The following NPR3 variants were observed in gnomAD, a reference collection of about 807,000 sequenced individuals.
NPR3 encodes the protein atrial natriuretic peptide receptor 3.
Under a neutral mutation model 54.5 loss-of-function variants are expected in NPR3, and 34 were observed. The observed-to-expected ratio is 0.62, with a 90% CI of 0.47 to 0.83. The LOEUF is 0.83. Ranked by LOEUF, NPR3 falls within the 40% of genes least tolerant of loss-of-function variation. The pLI is 0.00. For missense variants in NPR3, 674 were observed against 720.8 expected (o/e 0.94, Z 0.74); for synonymous variants, 289 against 297.1 (o/e 0.97, Z 0.28).
At position 32,789,495 on chromosome 5, in the gene NPR3, A is replaced by G. The variant is rs1406832118; in HGVS notation, c.*3150A>G. ...GAATGGTTCTACAGACCCTACTATAATTCTTCACATTTCAGAACCCATGTT... is the reference window on the plus strand; with the variant it reads ...GAATGGTTCTACAGACCCTACTATAGTTCTTCACATTTCAGAACCCATGTT... On this transcript the variant is annotated 3_prime_UTR_variant, in exon 8 of 8. Transcript: ENST00000265074. 1 of 534,610 alleles carries G rather than the reference A, an allele frequency of 1.9e-6. No homozygotes were observed. Among genetic ancestry groups the G allele is most frequent in the Non-Finnish European group, 3.8e-6 (1 of 260,104 alleles). 33.1% of individuals were successfully genotyped at this position (534,610 alleles called of 1,614,324 possible).
chr5:32,781,066 G>A (rs1048091445), intron 5 of NPR3, among the ~76,000 whole-genome samples: 2 of 152,130 alleles, frequency 1.3e-5, no homozygotes, highest in Non-Finnish European at 2.9e-5. Context: ...GAGGGTCATC[G>A]GGTAAAATCA....
chr5:32,743,935 G>A (rs904282438), intron 3 of NPR3, among the ~76,000 whole-genome samples: 2 of 149,230 alleles, frequency 1.3e-5, no homozygotes, highest in Non-Finnish European at 3.0e-5. Flanking sequence ...TTAAAAAAAT[G>A]CATTTGTTCT....
chr5:32,769,918 G>C (rs891459454), intron 3 of NPR3, among the ~76,000 whole-genome samples: 1 of 152,244 alleles, frequency 6.6e-6, no homozygotes, highest in Non-Finnish European at 1.5e-5. Context: ...GACGTGGCTC[G>C]CTGCCACGGT....
In NPR3 at chr5:32,779,317, T is replaced by A. The variant is rs190915207; in HGVS notation, c.1196-1405T>A. Among the ~76,000 whole-genome samples the A allele has an allele frequency of 2.6e-5, 4 of 152,336 alleles. No individual in the cohort carries two copies. The East Asian group carries it at 7.7e-4, about 29-fold the overall frequency. ...CCAGTTGAAAAGGGAATAGCTTTAG[T>A]TAATTAAAATGGGGCTGATGTACGC... On this transcript the variant is annotated intron_variant, in intron 4 of 7. Transcript: ENST00000265074.
intron 2 of NPR3, among the ~76,000 whole-genome samples, chr5:32,731,402 A>G (rs1488954115): frequency 6.6e-6 from 1 of 152,220 alleles, no homozygotes; most frequent in African/African-American, 2.4e-5. Flanking sequence ...AAGGGTTAAG[A>G]GATGGTTAAG....
At chr5:32,716,436 A>G (rs754406333) in intron 1 of NPR3, 2 of 454,530 alleles carry the variant, frequency 4.4e-6, no homozygotes, top group South Asian at 1.6e-5. Flanking sequence ...CTTCTTGATC[A>G]TTCTACTGCC....
At chr5:32,783,376 T>C (rs1742438695) in intron 6 of NPR3, 1 of 190,888 alleles carries the variant, frequency 5.2e-6, no homozygotes, top group Non-Finnish European at 1.1e-5. Context: ...ATTTTTCAAG[T>C]TTGTGGTTAC....
rs1394756615 is a variant in NPR3 at position 32,780,808 on chromosome 5, A to T, written c.1282A>T (p.Thr428Ser). The change falls in exon 5 of 8, where the codon ACC becomes TCC. Residue 428 changes from threonine to serine, a missense_variant. Coordinates refer to ENST00000265074, the MANE Select transcript of NPR3 (RefSeq NM_001204375.2). The part of the protein sequence containing the change: ...VIAMTDVEAG[T>S]QEVIGDYFGK... The stretch of plus-strand genomic sequence containing the variant: ...TGCCATGACTGATGTGGAGGCGGGC[A>T]CCCAGGAGGTGAGCACGTGAGACCT... 1.1e-5 allele frequency: 17 copies of T among 1,536,570 alleles called. No individual in the cohort carries two copies. The highest frequency in any genetic ancestry group is 1.5e-5 in the Non-Finnish European group (17 of 1,109,666).
chr5:32,782,955 T>C lies in NPR3; in HGVS notation c.1353T>C (p.Pro451=). Residue 451 remains proline (P), a synonymous_variant, in exon 6 of 8, where the codon CCT becomes CCC. Transcript: ENST00000265074. The part of the protein sequence containing the change: ...RFEMRPNVKY[P]WGPLKLRIDE... ...AAATGCGGCCGAATGTCAAATATCC[T>C]TGGGGCCCTTTAAAACTGAGAATAG... 1 of 1,610,672 alleles carries C rather than the reference T, an allele frequency of 6.2e-7. No individual in the cohort carries two copies. The highest frequency in any genetic ancestry group is 8.5e-7 in the Non-Finnish European group (1 of 1,178,054).
At chr5:32,707,520 A>G (rs899933346), upstream of NPR3, among the ~76,000 whole-genome samples, 2 of 152,174 alleles carry the variant, frequency 1.3e-5, no homozygotes, top group African/African-American at 2.4e-5. Flanking sequence ...AAATCTCAAC[A>G]CTGATTACAT....
chr5:32,701,125 A>T (rs145049361), intron 1 of NPR3, among the ~76,000 whole-genome samples: 1,610 of 152,134 alleles, frequency 0.011, 22 homozygotes, highest in African/African-American at 0.037. Flanking sequence ...TGTATTTTTG[A>T]TTTGCATTTC....
Position 32,714,079 on chromosome 5 carries a change from C to G in NPR3, c.769+1534C>G, listed in dbSNP as rs3792764. ...CAGCCTCCACGGGGGTGTCTGCGCCCCGGGCTGCTAAGGCTCCCGGAACCT... is the reference window on the plus strand; with the variant it reads ...CAGCCTCCACGGGGGTGTCTGCGCCGCGGGCTGCTAAGGCTCCCGGAACCT... On this transcript the variant is annotated intron_variant, in intron 1 of 7. Transcript: ENST00000265074. Among the ~76,000 whole-genome samples the G allele has an allele frequency of 6.2e-4, 94 of 152,362 alleles. No individual in the cohort carries two copies. The East Asian group carries it at 0.018, about 28-fold the overall frequency.
At chr5:32,757,585 C>A (rs184404667) in intron 3 of NPR3, among the ~76,000 whole-genome samples, 2 of 151,998 alleles carry the variant, frequency 1.3e-5, no homozygotes, top group Non-Finnish European at 2.9e-5. Flanking sequence ...AATTGAATAC[C>A]CTTTATTTCT....
At chr5:32,727,032 T>C (rs1342381061) in intron 2 of NPR3, among the ~76,000 whole-genome samples, 1 of 152,244 alleles carries the variant, frequency 6.6e-6, no homozygotes, top group African/African-American at 2.4e-5. Flanking sequence ...CATACGCACA[T>C]ACACTTTCTC....
chr5:32,703,951 G>A (rs1159676788), intron 1 of NPR3, among the ~76,000 whole-genome samples: 1 of 152,228 alleles, frequency 6.6e-6, no homozygotes, highest in Non-Finnish European at 1.5e-5. Context: ...AGTCCCTGTG[G>A]CCTAGACTGT....
intron 3 of NPR3, among the ~76,000 whole-genome samples, chr5:32,742,805 C>T (rs916216552): frequency 7.2e-5 from 11 of 152,036 alleles, no homozygotes; most frequent in Middle Eastern, 3.4e-3. Flanking sequence ...CCTTCTAATA[C>T]GATAACTGAA....
chr5:32,722,526 C>T (rs1738918373), intron 1 of NPR3, among the ~76,000 whole-genome samples: 2 of 152,214 alleles, frequency 1.3e-5, no homozygotes, highest in Admixed American at 1.3e-4. Flanking sequence ...ACTCTACTCT[C>T]TATATGTTGA....
chr5:32,767,750 A>C (rs990884958), intron 3 of NPR3, among the ~76,000 whole-genome samples: 1 of 151,360 alleles, frequency 6.6e-6, no homozygotes, highest in African/African-American at 2.4e-5. Context: ...GCAGAAATGA[A>C]AAAAAAAAGC....
rs140013267 is a variant in NPR3 at position 32,754,004 on chromosome 5, C to T, written c.1059+14974C>T. On this transcript the variant is annotated intron_variant, in intron 3 of 7. Transcript: ENST00000265074. The stretch of plus-strand genomic sequence containing the variant: ...ACCCAGAAAGGCATGCTCATGTAGT[C>T]AGCCTTCCAGCTTGGAAGAAGAGAG... 4.6e-3 allele frequency among the ~76,000 whole-genome samples: 702 copies of T among 152,306 alleles called. 4 individuals are homozygous for T. The highest frequency in any genetic ancestry group is 0.016 in the African/African-American group (683 of 41,564).
Sources: gnomAD v4.1 joint callset for allele counts (sites outside exome capture counted in the v4.1 genomes callset) on GRCh38, gnomAD v4.1.1 for gene constraint, MANE v1.5 for transcripts, NCBI Gene and HGNC (gene_info 2026-07-23, HGNC 2026-07-21) for gene names.